The following DCC variants were observed in gnomAD, a reference collection of about 807,000 sequenced individuals.
DCC encodes the protein netrin receptor DCC.
Under a neutral mutation model 172.5 loss-of-function variants are expected in DCC, and 58 were observed. The observed-to-expected ratio is 0.34, with a 90% CI of 0.27 to 0.42. DCC has a LOEUF of 0.42. Ranked by LOEUF, DCC falls within the 10% of genes least tolerant of loss-of-function variation. The pLI, the probability that DCC is intolerant of heterozygous loss-of-function variation, is 1.00. For synonymous variants in DCC, 709 were observed against 644.5 expected (o/e 1.10, Z -1.52); for missense variants, 1,740 against 1,791.0 (o/e 0.97, Z 0.51).
At chr18:52,809,894 G>A in intron 2 of DCC, among the ~76,000 whole-genome samples, 1 of 151,954 alleles carries the variant, frequency 6.6e-6, no homozygotes, top group East Asian at 1.9e-4. Context: ...CCTGCTTTTA[G>A]CCTAATTTGT....
At chr18:52,422,829 T>G (rs1987295212) in intron 1 of DCC, among the ~76,000 whole-genome samples, 2 of 152,006 alleles carry the variant, frequency 1.3e-5, no homozygotes, top group South Asian at 4.1e-4. Context: ...CAAAGAAGGG[T>G]GCAAAGATAC....
At chr18:52,643,568 A>T (rs774071534) in intron 1 of DCC, among the ~76,000 whole-genome samples, 5 of 152,172 alleles carry the variant, frequency 3.3e-5, no homozygotes, top group African/African-American at 1.2e-4. Flanking sequence ...CAAGCTCCCA[A>T]TCCCCCTACA....
intron 5 of DCC, among the ~76,000 whole-genome samples, chr18:53,045,177 C>T (rs1468864000): frequency 6.6e-6 from 1 of 151,804 alleles, no homozygotes; most frequent in South Asian, 2.1e-4. Flanking sequence ...TATGCAAATA[C>T]TTTAGAGAAT....
chr18:53,466,983 A>T (rs938956576), intron 24 of DCC, among the ~76,000 whole-genome samples: 21 of 152,292 alleles, frequency 1.4e-4, no homozygotes, highest in East Asian at 3.9e-4. Flanking sequence ...TTAATTTTTT[A>T]AAAAATGCAT....
At chr18:52,680,589 G>A (rs556462346) in intron 1 of DCC, among the ~76,000 whole-genome samples, 53 of 152,142 alleles carry the variant, frequency 3.5e-4, no homozygotes, top group South Asian at 1.7e-3. Flanking sequence ...ATTATACCCA[G>A]CTCCATCAAG....
chr18:53,347,174 G>T (rs529391081), intron 15 of DCC, among the ~76,000 whole-genome samples: 3 of 152,218 alleles, frequency 2.0e-5, no homozygotes, highest in South Asian at 4.2e-4. Flanking sequence ...AAGTGGTGAG[G>T]GTTTCTACTG....
At chr18:53,290,437 A>G (rs2056988499) in intron 12 of DCC, among the ~76,000 whole-genome samples, 1 of 152,230 alleles carries the variant, frequency 6.6e-6, no homozygotes, top group Non-Finnish European at 1.5e-5. Flanking sequence ...ATAGCTATAT[A>G]AGTACTCTGT....
chr18:53,228,077 C>G (rs1363669514), intron 12 of DCC, among the ~76,000 whole-genome samples: 13 of 152,058 alleles, frequency 8.5e-5, no homozygotes. Context: ...ATGTCCATGA[C>G]TACAGTATCA....
intron 15 of DCC, among the ~76,000 whole-genome samples, chr18:53,365,241 C>T (rs559506166): frequency 6.4e-5 from 9 of 141,074 alleles, no homozygotes; most frequent in African/African-American, 1.1e-4. Flanking sequence ...CATGTCCCTA[C>T]GAAGGACATG....
At chr18:53,200,418 G>A (rs1029304123) in intron 9 of DCC, among the ~76,000 whole-genome samples, 1 of 152,160 alleles carries the variant, frequency 6.6e-6, no homozygotes, top group Non-Finnish European at 1.5e-5. Context: ...ATTTGTAACT[G>A]TATATAAAAT....
chr18:53,486,627 T>C (rs1444656064), intron 25 of DCC, among the ~76,000 whole-genome samples, 170 bp from the exon 26 acceptor site: 1 of 152,172 alleles, frequency 6.6e-6, no homozygotes, highest in African/African-American at 2.4e-5. Context: ...ATGAGCTGTC[T>C]TTTCTAAAGT....
chr18:53,275,242 C>T (rs994053090), intron 12 of DCC, among the ~76,000 whole-genome samples: 1 of 152,088 alleles, frequency 6.6e-6, no homozygotes, highest in Non-Finnish European at 1.5e-5. Context: ...ATTTAGCCAA[C>T]TGCTAGATTG....
intron 1 of DCC, among the ~76,000 whole-genome samples, chr18:52,350,935 A>T (rs1248546706): frequency 1.3e-5 from 2 of 152,198 alleles, no homozygotes; most frequent in Admixed American, 6.5e-5. Context: ...TATTGTGTTA[A>T]GGTGGCAATT....
chr18:53,128,166 G>C (rs1312144258), intron 7 of DCC, among the ~76,000 whole-genome samples: 5 of 152,040 alleles, frequency 3.3e-5, no homozygotes, highest in African/African-American at 1.2e-4. Context: ...AAAGGCAATG[G>C]TTGCAACTTC....
chr18:53,412,065 G>T (rs1361821091), intron 20 of DCC, among the ~76,000 whole-genome samples: 29 of 152,098 alleles, frequency 1.9e-4, no homozygotes, highest in Admixed American at 1.7e-3. Context: ...CATAAGATTT[G>T]CAGGCCCACA....
intron 1 of DCC, among the ~76,000 whole-genome samples, chr18:52,607,776 A>T (rs1442929552): frequency 3.3e-5 from 5 of 152,190 alleles, no homozygotes; most frequent in Admixed American, 1.3e-4. Flanking sequence ...ATATCAATGC[A>T]ATGTAAAATG....
intron 7 of DCC, among the ~76,000 whole-genome samples, chr18:53,149,975 C>T (rs1437891607): frequency 6.6e-6 from 1 of 152,146 alleles, no homozygotes; most frequent in Non-Finnish European, 1.5e-5. Flanking sequence ...AATTTTCGAG[C>T]TTCCTTTTTG....
chr18:52,768,391 A>T (rs575255438), intron 2 of DCC, among the ~76,000 whole-genome samples: 24 of 152,334 alleles, frequency 1.6e-4, no homozygotes, highest in African/African-American at 5.8e-4. Flanking sequence ...CAATGGGGGA[A>T]GAATCTACAG....
chr18:52,856,891 A>G (rs769849020), intron 2 of DCC, among the ~76,000 whole-genome samples: 16 of 152,174 alleles, frequency 1.1e-4, no homozygotes, highest in Non-Finnish European at 2.1e-4. Context: ...AGTAACTGTT[A>G]TACAACAAAT....
Sources: allele counts gnomAD v4.1 joint callset (sites outside exome capture counted in the v4.1 genomes callset), GRCh38; gene constraint gnomAD v4.1.1; transcripts MANE v1.5; gene names NCBI Gene and HGNC (gene_info 2026-07-23, HGNC 2026-07-21).